CFAP20DC: variants seen among roughly 807,000 people sequenced by gnomAD.
The protein encoded by CFAP20DC is CFAP20 domain containing.
Under a neutral mutation model 101.7 loss-of-function variants are expected in CFAP20DC, and 84 were observed. The observed-to-expected ratio is 0.83, with a 90% confidence interval of 0.69 to 0.99. The LOEUF is 0.99. CFAP20DC is among the 50% of genes least tolerant of loss of function. The pLI, the probability that CFAP20DC is intolerant of heterozygous loss-of-function variation, is 0.00. For synonymous variants in CFAP20DC, 359 were observed against 351.2 expected (o/e 1.02, Z -0.25); for missense variants, 1,007 against 970.3 (o/e 1.04, Z -0.50).
chr3:58,854,340 A>C (rs2078553375), intron 12 of CFAP20DC, among the ~76,000 whole-genome samples: 3 of 151,442 alleles, frequency 2.0e-5, no homozygotes, highest in African/African-American at 4.9e-5. Context: ...AAAAGAGGAT[A>C]CAAACAAATG....
chr3:58,796,325 GGT>G (rs2073239772), intron 15 of CFAP20DC, among the ~76,000 whole-genome samples: 2 of 152,156 alleles, frequency 1.3e-5, no homozygotes, highest in Admixed American at 1.3e-4. Flanking sequence ...TGCAAGGTGT[GGT>G]CCAGGGTTAA....
At chr3:58,919,402 G>A (rs1014236626) in intron 5 of CFAP20DC, among the ~76,000 whole-genome samples, 3 of 152,150 alleles carry the variant, frequency 2.0e-5, no homozygotes, top group African/African-American at 7.2e-5. Flanking sequence ...CAATACCACA[G>A]TGTCTTAATT....
chr3:58,819,289 A>G (rs1575752810), intron 14 of CFAP20DC, among the ~76,000 whole-genome samples: 1 of 152,200 alleles, frequency 6.6e-6, no homozygotes, highest in Admixed American at 6.5e-5. Context: ...GATAACTAAC[A>G]TAAGAGCAGA....
intron 4 of CFAP20DC, among the ~76,000 whole-genome samples, chr3:58,938,700 C>G (rs1004494965): frequency 2.0e-5 from 3 of 151,956 alleles, no homozygotes; most frequent in Non-Finnish European, 4.4e-5. Flanking sequence ...TACAGCACTT[C>G]CGTTCCCCCT....
intron 7 of CFAP20DC, among the ~76,000 whole-genome samples, chr3:58,878,040 T>C (rs1446961321): frequency 1.3e-5 from 2 of 152,154 alleles, no homozygotes; most frequent in African/African-American, 4.8e-5. Flanking sequence ...ATGCAGAATG[T>C]AGGGGAACTG....
intron 7 of CFAP20DC, among the ~76,000 whole-genome samples, chr3:58,873,363 C>G (rs1212093204): frequency 2.6e-4 from 27 of 103,560 alleles, no homozygotes; most frequent in East Asian, 5.7e-4. Context: ...TGTAAGGCAG[C>G]TGTTCAAGCA....
chr3:58,797,498 G>C (rs1464675733), intron 15 of CFAP20DC, among the ~76,000 whole-genome samples: 1 of 152,150 alleles, frequency 6.6e-6, no homozygotes, highest in African/African-American at 2.4e-5. Flanking sequence ...AGCAGAGGTT[G>C]ATTCCTGGGG....
chr3:58,764,847 C>G (rs889947193), intron 15 of CFAP20DC, among the ~76,000 whole-genome samples: 38 of 152,254 alleles, frequency 2.5e-4, no homozygotes, highest in Admixed American at 2.0e-3. Context: ...TTACCCTCCT[C>G]TTGAAACTGG....
chr3:58,721,811 CAGG>C lies in CFAP20DC; in HGVS notation c.198-4186_198-4184del, dbSNP rs1368420688. ...ACACATTCCTTTCAGAGAACCAGGG[CAGG>C]AATCCAAAGTGGAGACCACCAGGCT... On this transcript the variant is annotated intron_variant, in intron 3 of 3. Coordinates refer to the CFAP20DC transcript ENST00000486145. The surrounding 1 kb of genome is among the most constrained non-coding windows in gnomAD (Gnocchi z 5.2). 1.3e-5 allele frequency among the ~76,000 whole-genome samples: 2 copies of C among 152,312 alleles called. No individual in the cohort carries two copies. Among genetic ancestry groups the C allele is most frequent in the Middle Eastern group, 3.4e-3 (1 of 294 alleles).
At chr3:58,957,510 TAGA>T (rs2090748754) in intron 4 of CFAP20DC, among the ~76,000 whole-genome samples, 1 of 152,104 alleles carries the variant, frequency 6.6e-6, no homozygotes, top group African/African-American at 2.4e-5. Context: ...GGTATATACC[TAGA>T]AGAAGGGAAA....
intron 15 of CFAP20DC, among the ~76,000 whole-genome samples, chr3:58,779,687 GA>G (rs1308222311): frequency 6.6e-6 from 1 of 151,962 alleles, no homozygotes; most frequent in Non-Finnish European, 1.5e-5. Flanking sequence ...AAAAAAGAAG[GA>G]GCAAAACATT....
At chr3:58,834,807 T>C (rs898416934) in intron 13 of CFAP20DC, among the ~76,000 whole-genome samples, 12 of 152,174 alleles carry the variant, frequency 7.9e-5, no homozygotes, top group African/African-American at 2.7e-4. Flanking sequence ...GTACCTTTAA[T>C]GGAAAATTTT....
intron 4 of CFAP20DC, among the ~76,000 whole-genome samples, chr3:58,996,525 T>C (rs1001347187): frequency 6.6e-6 from 1 of 152,232 alleles, no homozygotes; most frequent in Non-Finnish European, 1.5e-5. Flanking sequence ...ATTTGCTTCC[T>C]CTTAATAAGT....
chr3:58,890,413 G>T (rs1483612978), intron 6 of CFAP20DC, among the ~76,000 whole-genome samples: 1 of 143,594 alleles, frequency 7.0e-6, no homozygotes, highest in Non-Finnish European at 1.5e-5. Context: ...CCTCCCGGAC[G>T]GGGTGGCTGG....
At chr3:59,046,022 C>G (rs1699829259) in intron 3 of CFAP20DC, among the ~76,000 whole-genome samples, 1 of 151,942 alleles carries the variant, frequency 6.6e-6, no homozygotes, top group Non-Finnish European at 1.5e-5. Context: ...TACTAGATTT[C>G]TAGAAGATGG....
At chr3:58,994,074 C>A (rs1227549446) in intron 4 of CFAP20DC, among the ~76,000 whole-genome samples, 2 of 152,210 alleles carry the variant, frequency 1.3e-5, no homozygotes, top group Non-Finnish European at 2.9e-5. Flanking sequence ...GAGACACTTT[C>A]ATCTGCCTCA....
intron 4 of CFAP20DC, among the ~76,000 whole-genome samples, chr3:58,977,613 C>T (rs1253476189): frequency 6.6e-6 from 1 of 151,686 alleles, no homozygotes; most frequent in Non-Finnish European, 1.5e-5. Flanking sequence ...AAAATTAATA[C>T]TTACTGAGGG....
chr3:58,815,052 C>A (rs1414525620), intron 14 of CFAP20DC, among the ~76,000 whole-genome samples: 2 of 151,618 alleles, frequency 1.3e-5, no homozygotes, highest in Admixed American at 6.6e-5. Flanking sequence ...ATCGCCAAAG[C>A]AATCCTAAGC....
At chr3:58,730,598 G>A (rs192714328) in intron 3 of CFAP20DC, among the ~76,000 whole-genome samples, 49 of 152,250 alleles carry the variant, frequency 3.2e-4, no homozygotes, top group Non-Finnish European at 5.9e-4. Flanking sequence ...GAATCAAAGC[G>A]TCTTTCCAAG....
Sources: allele counts gnomAD v4.1 joint callset (sites outside exome capture counted in the v4.1 genomes callset), GRCh38; gene constraint gnomAD v4.1.1; non-coding constraint Gnocchi (gnomAD v3.1); transcripts MANE v1.5; gene names NCBI Gene and HGNC (gene_info 2026-07-23, HGNC 2026-07-21).